The following PHKA1 variants were observed in gnomAD, a reference collection of about 807,000 sequenced individuals.
PHKA1 encodes phosphorylase b kinase regulatory subunit alpha, skeletal muscle isoform.
In PHKA1, 60 loss-of-function variants were observed where a neutral mutation model predicts 110.2. The observed-to-expected ratio is 0.54, with a 90% CI of 0.44 to 0.68. The LOEUF (loss-of-function observed/expected upper bound fraction) is 0.68, where lower values mean the gene tolerates loss of function less well. Among genes scored for constraint, PHKA1 ranks in the 30% least tolerant of loss-of-function variants. The pLI is 0.00. For missense variants in PHKA1, 801 were observed against 942.5 expected, an observed-to-expected ratio of 0.85 and a Z score of 1.97; for synonymous variants, 316 against 333.6, an observed-to-expected ratio of 0.95 and a Z score of 0.58.
intron 3 of PHKA1, among the ~76,000 whole-genome samples, chrX:72,702,419 C>T (rs1340214566): frequency 9.0e-6 from 1 of 111,618 alleles, no homozygotes; most frequent in African/African-American, 3.3e-5. Context: ...CACTGCACTC[C>T]AGCCTGGGTG....
intron 6 of PHKA1, among the ~76,000 whole-genome samples, chrX:72,674,908 G>A (rs1385346904): frequency 9.0e-6 from 1 of 111,074 alleles, no homozygotes; most frequent in African/African-American, 3.3e-5. Context: ...GTTAGGCTGG[G>A]TGCAGTGGCT....
chrX:72,613,957 A>G (rs1556264815), intron 21 of PHKA1, among the ~76,000 whole-genome samples: 1 of 112,155 alleles, frequency 8.9e-6, no homozygotes. Context: ...ATGAAGACTC[A>G]GGAACTGTTC....
At chrX:72,692,939 T>G (rs1404829557) in intron 4 of PHKA1, among the ~76,000 whole-genome samples, 2 of 105,738 alleles carry the variant, frequency 1.9e-5, no homozygotes, top group East Asian at 2.8e-4. Context: ...TGATTTTTCT[T>G]TCTTTTTTTT....
At chrX:72,707,417 C>T (rs1232048170) in intron 2 of PHKA1, among the ~76,000 whole-genome samples, 11 of 111,977 alleles carry the variant, frequency 9.8e-5, no homozygotes, top group Non-Finnish European at 7.5e-5. Context: ...TAGTAGTTAT[C>T]TCAAATATAT....
At chrX:72,632,039 T>G (rs1343329171) in intron 16 of PHKA1, among the ~76,000 whole-genome samples, 11 of 112,115 alleles carry the variant, frequency 9.8e-5, no homozygotes, top group African/African-American at 3.6e-4. Context: ...AGTTAGATTC[T>G]TTTTAACTAT....
At chrX:72,625,184 G>A (rs2053039979) in intron 17 of PHKA1, among the ~76,000 whole-genome samples, 1 of 111,547 alleles carries the variant, frequency 9.0e-6, no homozygotes, top group Non-Finnish European at 1.9e-5. Context: ...GGGGTTTGGT[G>A]TACAAACTAT....
intron 14 of PHKA1, among the ~76,000 whole-genome samples, 173 bp downstream of exon 14, chrX:72,644,189 T>C (rs1452952884): frequency 9.0e-6 from 1 of 111,519 alleles, no homozygotes; most frequent in Non-Finnish European, 1.9e-5. Context: ...ACACCTAAAA[T>C]TATCAGGCCT....
chrX:72,618,326 G>A (rs1242881568), intron 21 of PHKA1, among the ~76,000 whole-genome samples: 2 of 111,725 alleles, frequency 1.8e-5, no homozygotes, highest in African/African-American at 6.5e-5. Context: ...AAACAAAAAT[G>A]TTAGTTTCTT....
At chrX:72,637,873 C>T (rs1416535419) in intron 14 of PHKA1, among the ~76,000 whole-genome samples, 1 of 111,989 alleles carries the variant, frequency 8.9e-6, no homozygotes, top group Non-Finnish European at 1.9e-5. Flanking sequence ...ACAAAGACAG[C>T]ATGTCTTTCC....
At chrX:72,664,525 T>C (rs1048036713) in intron 8 of PHKA1, among the ~76,000 whole-genome samples, 4 of 111,563 alleles carry the variant, frequency 3.6e-5, no homozygotes, top group Non-Finnish European at 7.5e-5. Context: ...AGATCATTTA[T>C]ACAGAAAATC....
chrX:72,670,098 T>C (rs1179918822), intron 6 of PHKA1, among the ~76,000 whole-genome samples: 2 of 111,899 alleles, frequency 1.8e-5, no homozygotes, highest in East Asian at 5.6e-4. Context: ...TGGTATCTCG[T>C]TGTGGTTTTG....
At chrX:72,650,639 C>T (rs781856517) in intron 12 of PHKA1, among the ~76,000 whole-genome samples, 171 bp from the exon 13 acceptor site, 3 of 112,563 alleles carry the variant, frequency 2.7e-5, no homozygotes, top group Non-Finnish European at 5.6e-5. Context: ...CCCAAATTCA[C>T]ACCACAATTC....
chrX:72,636,946 T>C (rs2053238181), intron 14 of PHKA1, among the ~76,000 whole-genome samples: 1 of 111,942 alleles, frequency 8.9e-6, no homozygotes, highest in South Asian at 3.7e-4. Context: ...AAAGCCTTGG[T>C]CATATTCCAG....
chrX:72,601,554 A>G (rs2052657470), intron 28 of PHKA1, among the ~76,000 whole-genome samples: 1 of 110,760 alleles, frequency 9.0e-6, no homozygotes. Context: ...GTCAAGGATG[A>G]TAAGATATCG....
chrX:72,622,410 C>T (rs2052992677), intron 18 of PHKA1: 1 of 752,150 alleles, frequency 1.3e-6, no homozygotes, highest in Non-Finnish European at 1.6e-6. Context: ...TTTTAGAGGG[C>T]TAGACAAATA....
In PHKA1 at chrX:72,670,551, T is replaced by G. The variant is rs782446048; in HGVS notation, c.619-3078A>C. Among the ~76,000 whole-genome samples the G allele has an allele frequency of 5.4e-5, 6 of 111,611 alleles. No individual in the cohort carries two copies. The South Asian group carries it at 2.3e-3, about 42-fold the overall frequency. Reference sequence around the variant, plus strand: ...TTCCTTCTGAAACTATTCCAACCAATAGAAAAAGAGGGAATCCTCCCTAAC... The same window carrying G: ...TTCCTTCTGAAACTATTCCAACCAAGAGAAAAAGAGGGAATCCTCCCTAAC... On this transcript the variant is annotated intron_variant, in intron 6 of 31. Coordinates refer to ENST00000373542, the MANE Select transcript of PHKA1 (RefSeq NM_002637.4).
Position 72,714,214 on chromosome X carries a change from A to T in PHKA1, c.-334T>A. 1 of 217,320 alleles carries T rather than the reference A, an allele frequency of 4.6e-6. No individual in the cohort carries two copies. The highest frequency in any genetic ancestry group is 8.3e-6 in the Non-Finnish European group (1 of 119,959). 17.9% of individuals were successfully genotyped at this position (217,320 alleles called of 1,213,427 possible). A position where few individuals can be genotyped will look rare whatever the true frequency, so the allele number is the denominator to read the frequency against. ...TGCATCCTCCCCTCAACCCCGGGAG[A>T]CCGCCGCGGCCCACAGCCTCCCGCC... On this transcript the variant is annotated 5_prime_UTR_variant, in exon 1 of 32. Coordinates refer to ENST00000373542, the MANE Select transcript of PHKA1 (RefSeq NM_002637.4).
In PHKA1 at chrX:72,696,687, T is replaced by C. The variant is rs149977305; in HGVS notation, c.286-811A>G. Among the ~76,000 whole-genome samples, 411 of 111,800 alleles carry C rather than the reference T, an allele frequency of 3.7e-3. 1 individual carries two copies. Among genetic ancestry groups the C allele is most frequent in the African/African-American group, 0.013 (400 of 30,766 alleles). On this transcript the variant is annotated intron_variant, in intron 3 of 31. Transcript: ENST00000373542. ...TAAAACCAAGCTGTGCCCCAACTAT[T>C]TTGGGCACAGGTCCTCAGGACCTCC...
intron 8 of PHKA1, among the ~76,000 whole-genome samples, chrX:72,665,559 C>T (rs903477867): frequency 6.3e-5 from 7 of 111,245 alleles, no homozygotes; most frequent in African/African-American, 2.0e-4. Context: ...CCAAAACTGA[C>T]GAGGACACAA....
Sources: allele counts gnomAD v4.1 joint callset (sites outside exome capture counted in the v4.1 genomes callset), GRCh38; gene constraint gnomAD v4.1.1; transcripts MANE v1.5; gene names NCBI Gene and HGNC (gene_info 2026-07-23, HGNC 2026-07-21).